The following PIEZO1 variants were observed in gnomAD, a reference collection of about 807,000 sequenced individuals.
The protein encoded by PIEZO1 is piezo-type mechanosensitive ion channel component 1.
In PIEZO1, 296 loss-of-function variants were observed where a neutral mutation model predicts 297.2. The observed-to-expected ratio is 1.00, with a 90% confidence interval of 0.91 to 1.10. The LOEUF is 1.10. PIEZO1 is among the 50% of genes least tolerant of loss of function. The probability of loss-of-function intolerance (pLI) is 0.00; values close to 1 mark genes in which losing one functional copy is unlikely to be tolerated. For synonymous variants in PIEZO1, 2,427 were observed against 1,507.5 expected, an observed-to-expected ratio of 1.61 and a Z score of -14.13; for missense variants, 5,018 against 3,455.5, an observed-to-expected ratio of 1.45 and a Z score of -11.34.
rs35353288 is a variant in PIEZO1 at position 88,734,406 on chromosome 16, G to A, written c.2130C>T (p.Asp710=). The change falls in exon 16 of 51, where the codon GAC becomes GAT. Residue 710 remains aspartate (D), a synonymous_variant. Transcript: ENST00000301015. ...YFHRPFMQLT[D]MEHVSLPGTR... ...TGCCAGGCAGGGACACGTGCTCCAT[G>A]TCGGTGAGCTGCATGAAGGGCCTGT... The A allele has an allele frequency of 0.12, 191,457 of 1,548,872 alleles. 13,160 individuals carry two copies. The highest frequency in any genetic ancestry group is 0.14 in the Non-Finnish European group (161,653 of 1,145,936).
At chr16:88,749,659 G>A (rs563045754) in intron 1 of PIEZO1, among the ~76,000 whole-genome samples, 180 bp from the exon 2 acceptor site, 53 of 152,360 alleles carry the variant, frequency 3.5e-4, no homozygotes, top group African/African-American at 1.2e-3. Flanking sequence ...CACACGCCAC[G>A]ACACGGGCAC....
intron 1 of PIEZO1, among the ~76,000 whole-genome samples, chr16:88,777,321 G>A (rs1196605278): frequency 1.3e-5 from 2 of 152,270 alleles, no homozygotes; most frequent in African/African-American, 2.4e-5. Context: ...CAAGGAGGGA[G>A]AAAGCGAAGG....
At chr16:88,733,561 G>C in intron 18 of PIEZO1, 27 bp downstream of exon 18, 1 of 1,529,056 alleles carries the variant, frequency 6.5e-7, no homozygotes, top group Non-Finnish European at 8.8e-7. Context: ...ACCCCAGATG[G>C]GAAGCTGAGT....
In PIEZO1 at chr16:88,742,066, T is replaced by C. The variant is rs1051839069; in HGVS notation, c.313A>G (p.Ile105Val). Residue 105 changes from isoleucine (I) to valine (V), a missense_variant, in exon 4 of 51, where the codon ATA becomes GTA. Ile to Val is a conservative substitution (Grantham distance 29). Transcript: ENST00000301015. ...CSRWETLSRH[I>V]GVTRLDLKDI... ...GAATGGTCTTACCTTGTGACCCCTA[T>C]GTGTCGCGAGAGGGTCTCCCAGCGG... The C allele has an allele frequency of 5.2e-6, 8 of 1,535,966 alleles. No individual in the cohort carries two copies. Among genetic ancestry groups the C allele is most frequent in the Non-Finnish European group, 7.0e-6 (8 of 1,146,766 alleles).
Position 88,727,181 on chromosome 16 carries a change from G to T in PIEZO1, c.3313C>A (p.Leu1105Met), listed in dbSNP as rs769867159. The change falls in exon 24 of 51, where the codon CTG (leucine) becomes ATG (methionine). Residue 1105 changes from leucine to methionine, a missense_variant. Coordinates refer to ENST00000301015, the MANE Select transcript of PIEZO1 (RefSeq NM_001142864.4). ...CACTGCTGGGAGGCGCACAGCAGCAGGAGAAAGTCGCCTGCAGGACACAGG... is the reference window on the plus strand; with the variant it reads ...CACTGCTGGGAGGCGCACAGCAGCATGAGAAAGTCGCCTGCAGGACACAGG... ...NSTNLISDFLLLLCASQQWQV... is the reference protein window; with the variant it reads ...NSTNLISDFLMLLCASQQWQV... 1 of 1,541,736 alleles carries T rather than the reference G, an allele frequency of 6.5e-7. No individual in the cohort carries two copies. Among genetic ancestry groups the T allele is most frequent in the South Asian group, 1.2e-5 (1 of 83,756 alleles).
chr16:88,748,964 G>A lies in PIEZO1; in HGVS notation c.160+420C>T, dbSNP rs946552170. On this transcript the variant is annotated intron_variant, in intron 2 of 50. Transcript: ENST00000301015. ...AAAAAAAAAAAAAAAAAAGCCGGGCGCGGTGGCTCACGTCTGTAATCCCAG... is the reference window on the plus strand; with the variant it reads ...AAAAAAAAAAAAAAAAAAGCCGGGCACGGTGGCTCACGTCTGTAATCCCAG... Among the ~76,000 whole-genome samples the A allele has an allele frequency of 9.6e-4, 134 of 139,122 alleles. 1 individual carries two copies. In the Middle Eastern group the frequency reaches 0.013, roughly 13 times the overall value. 91.3% of individuals were successfully genotyped at this position (139,122 alleles called of 152,430 possible). A position where few individuals can be genotyped will look rare whatever the true frequency, so the allele number is the denominator to read the frequency against.
At chr16:88,717,290 A>G in intron 44 of PIEZO1, 79 bp from the exon 45 acceptor site, 1 of 1,353,560 alleles carries the variant, frequency 7.4e-7, no homozygotes, top group Non-Finnish European at 1.0e-6. Context: ...CAGCTCACCC[A>G]GCAGCCCAGA....
chr16:88,719,960 C>G lies in PIEZO1; in HGVS notation c.6165G>C (p.Arg2055Ser). 1 of 1,550,244 alleles carries G rather than the reference C, an allele frequency of 6.5e-7. No individual in the cohort carries two copies. Among genetic ancestry groups the G allele is most frequent in the East Asian group, 2.4e-5 (1 of 40,910 alleles). Residue 2055 changes from arginine to serine, a missense_variant and splice_region_variant, in exon 43 of 51, where the codon AGG becomes AGC. Coordinates refer to ENST00000301015, the MANE Select transcript of PIEZO1 (RefSeq NM_001142864.4). ...GGGCCACCACATTCTGGTTGAACAT[C>G]CTGGGGCGGGATGGCCAGGTCAAGG... is the stretch of plus-strand genomic sequence containing the variant. Reference protein sequence around the residue: ...MFFILPAVTERMFNQNVVAQL... With the variant: ...MFFILPAVTESMFNQNVVAQL...
Position 88,725,628 on chromosome 16 carries a change from A to G in PIEZO1, c.4025T>C (p.Ile1342Thr). The G allele has an allele frequency of 3.2e-6, 5 of 1,549,776 alleles. No individual in the cohort carries two copies. The highest frequency in any genetic ancestry group is 1.4e-5 in the African/African-American group (1 of 73,120). ...CAGCTGGGCCAGGGACTTCTCCTCT[A>G]TCCTGCGGTGAAAGTCAATGCTCTT... is the stretch of plus-strand genomic sequence containing the variant. ...NLKSIDFHRR[I>T]EEKSLAQLKR... Residue 1342 changes from isoleucine to threonine, a missense_variant, in exon 28 of 51, where the codon ATA (isoleucine) becomes ACA (threonine). By Grantham distance (89) the Ile-to-Thr change is moderately conservative (BLOSUM62 -1). Transcript: ENST00000301015.
chr16:88,734,499 C>G lies in PIEZO1; in HGVS notation c.2037G>C (p.Glu679Asp). The change falls in exon 16 of 51, where the codon GAG (glutamate) becomes GAC (aspartate). Residue 679 changes from glutamate to aspartate, a missense_variant. Transcript: ENST00000301015. ...DLGLEQFSVS[E>D]LFSSILVPGF... ...CGGGCACCAGGATGCTGGAGAAGAG[C>G]TCGGACACGCTGAACTGCTCCAGGC... The G allele has an allele frequency of 1.3e-6, 2 of 1,548,124 alleles. No individual in the cohort carries two copies. Among genetic ancestry groups the G allele is most frequent in the South Asian group, 1.2e-5 (1 of 83,792 alleles).
chr16:88,785,038 G>C lies in PIEZO1; in HGVS notation c.-74C>G. The C allele has an allele frequency of 1.1e-6, 1 of 937,058 alleles. No individual in the cohort carries two copies. Among genetic ancestry groups the C allele is most frequent in the Non-Finnish European group, 1.4e-6 (1 of 734,816 alleles). The allele number at this position is 937,058 out of a possible 1,614,324, so 58.0% of individuals were successfully genotyped here. ...TATGGGGCGGTGCGGGGGCCCCGGG[G>C]CCGGCGCGCCATGGCTGACCCGCGG... On this transcript the variant is annotated 5_prime_UTR_variant, in exon 1 of 51. Transcript: ENST00000301015.
Position 88,734,491 on chromosome 16 carries a change from G to C in PIEZO1, c.2045C>G (p.Ser682Cys). The change falls in exon 16 of 51, where the codon TCC becomes TGC. Residue 682 changes from serine to cysteine, a missense_variant. Coordinates refer to ENST00000301015, the MANE Select transcript of PIEZO1 (RefSeq NM_001142864.4). Reference protein sequence around the residue: ...LEQFSVSELFSSILVPGFFLL... With the variant: ...LEQFSVSELFCSILVPGFFLL... ...GAAGAAGCCGGGCACCAGGATGCTGGAGAAGAGCTCGGACACGCTGAACTG... is the reference window on the plus strand; with the variant it reads ...GAAGAAGCCGGGCACCAGGATGCTGCAGAAGAGCTCGGACACGCTGAACTG... 6.5e-7 allele frequency: 1 copy of C among 1,549,320 alleles called. No homozygotes were observed. Among genetic ancestry groups the C allele is most frequent in the Non-Finnish European group, 8.7e-7 (1 of 1,146,430 alleles).
In PIEZO1 at chr16:88,722,087, T is replaced by A. The variant is rs373977598; in HGVS notation, c.4956-21A>T. On this transcript the variant is annotated intron_variant, in intron 36 of 50. Coordinates refer to ENST00000301015, the MANE Select transcript of PIEZO1 (RefSeq NM_001142864.4). ...GGCGCCTACAGGGAGACCCGCGTGT[T>A]TGGGGGAGTCTGGGACTGCCCGAAG... The A allele has an allele frequency of 7.1e-5, 109 of 1,539,960 alleles. 2 individuals are homozygous for A. The South Asian group carries it at 1.2e-3, about 18-fold the overall frequency.
chr16:88,719,551 G>GC (rs1912278489), intron 44 of PIEZO1, 23 bp downstream of exon 44: 6 of 1,547,694 alleles, frequency 3.9e-6, no homozygotes, highest in Non-Finnish European at 5.2e-6. Context: ...CCTTGTCCCG[G>GC]CCCCCGCCCT....
chr16:88,717,289 C>T (rs910944299), intron 44 of PIEZO1, 78 bp from the exon 45 acceptor site: 28 of 1,354,286 alleles, frequency 2.1e-5, no homozygotes, highest in South Asian at 1.9e-4. Context: ...CCAGCTCACC[C>T]AGCAGCCCAG....
chr16:88,730,189 G>A (rs1904706119), intron 22 of PIEZO1, among the ~76,000 whole-genome samples: 1 of 152,256 alleles, frequency 6.6e-6, no homozygotes, highest in African/African-American at 2.4e-5. Flanking sequence ...CAGACCCCGG[G>A]CTCTAAACCT....
chr16:88,773,487 A>G (rs754983277), intron 1 of PIEZO1, among the ~76,000 whole-genome samples: 3 of 152,212 alleles, frequency 2.0e-5, no homozygotes, highest in Non-Finnish European at 4.4e-5. Context: ...GCCTGGCCTC[A>G]CTAGGGGAAG....
intron 29 of PIEZO1, 66 bp from the exon 30 acceptor site, chr16:88,725,146 G>C: frequency 8.7e-7 from 1 of 1,151,922 alleles, no homozygotes; most frequent in Non-Finnish European, 1.2e-6. Flanking sequence ...GGCTGTGAGT[G>C]CTCCCGTCTT....
At chr16:88,773,098 T>C (rs1279619044) in intron 1 of PIEZO1, among the ~76,000 whole-genome samples, 1 of 152,160 alleles carries the variant, frequency 6.6e-6, no homozygotes, top group Admixed American at 6.5e-5. Context: ...AAGCAGCAAT[T>C]ACTCCTCCAT....
Sources: allele counts gnomAD v4.1 joint callset (sites outside exome capture counted in the v4.1 genomes callset), GRCh38; gene constraint gnomAD v4.1.1; transcripts MANE v1.5; gene names NCBI Gene and HGNC (gene_info 2026-07-23, HGNC 2026-07-21).